DCUN1D1: variants seen among roughly 807,000 people sequenced by gnomAD.
DCUN1D1 encodes defective in cullin neddylation 1 domain containing 1, also known as DCN1-like protein 1.
DCUN1D1 carries 3 observed loss-of-function variants against 39.0 expected under a neutral mutation model. The observed-to-expected ratio is 0.08, with a 90% CI of 0.04 to 0.20. DCUN1D1 has a LOEUF of 0.20. Among genes scored for constraint, DCUN1D1 ranks in the 10% least tolerant of loss-of-function variants. The pLI is 1.00. For missense variants in DCUN1D1, 158 were observed against 302.4 expected, an observed-to-expected ratio of 0.52 and a Z score of 3.54; for synonymous variants, 82 against 96.3, an observed-to-expected ratio of 0.85 and a Z score of 0.87.
chr3:182,982,770 G>A (rs1278156835), upstream of DCUN1D1, among the ~76,000 whole-genome samples: 18 of 152,006 alleles, frequency 1.2e-4, no homozygotes, highest in Admixed American at 6.5e-5. Context: ...AGCCCCCACC[G>A]AGTAGCTGGG....
At chr3:182,962,532 G>T (rs1006592490) in intron 3 of DCUN1D1, among the ~76,000 whole-genome samples, 4 of 152,150 alleles carry the variant, frequency 2.6e-5, no homozygotes, top group Non-Finnish European at 4.4e-5. Flanking sequence ...TCTCCAGGCA[G>T]TTTTTTCACC....
intron 1 of DCUN1D1, 196 bp downstream of exon 1, chr3:182,980,291 G>T: frequency 2.9e-6 from 1 of 339,352 alleles, no homozygotes; most frequent in Non-Finnish European, 4.2e-6. Flanking sequence ...TCGCGTAGCG[G>T]CTGCGCCCGG....
chr3:182,962,971 G>A (rs905094811), intron 3 of DCUN1D1, among the ~76,000 whole-genome samples: 2 of 152,032 alleles, frequency 1.3e-5, no homozygotes, highest in Admixed American at 6.6e-5. Flanking sequence ...GTAGAGACGG[G>A]GTTTCTCCAT....
At chr3:182,978,269 C>G (rs1179895960) in intron 1 of DCUN1D1, among the ~76,000 whole-genome samples, 1 of 152,086 alleles carries the variant, frequency 6.6e-6, no homozygotes, top group Non-Finnish European at 1.5e-5. Flanking sequence ...ACTCACAGCC[C>G]CGAAACTGCA....
intron 4 of DCUN1D1, chr3:182,955,501 T>C (rs1726998411): frequency 1.9e-6 from 1 of 536,960 alleles, no homozygotes; most frequent in Non-Finnish European, 3.8e-6. Context: ...ATTTAACACA[T>C]TTTTTAGGTT....
intron 1 of DCUN1D1, among the ~76,000 whole-genome samples, chr3:182,965,982 G>T (rs944289868): frequency 1.3e-5 from 2 of 152,076 alleles, no homozygotes; most frequent in East Asian, 3.9e-4. Flanking sequence ...CAGAAGCGAA[G>T]GAAGCTCAAC....
At position 182,952,458 on chromosome 3, in the gene DCUN1D1, A is replaced by C. The variant is rs149624423; in HGVS notation, c.521-4826T>G. 1.2e-3 allele frequency among the ~76,000 whole-genome samples: 178 copies of C among 152,320 alleles called. 1 individual carries two copies. Among genetic ancestry groups the C allele is most frequent in the African/African-American group, 4.2e-3 (173 of 41,558 alleles). ...AAACCTATCTCTATATTCTAGACTC[A>C]GATATCTAACTGCCTGAAGACATCT... On this transcript the variant is annotated intron_variant, in intron 4 of 6. Coordinates refer to ENST00000292782, the MANE Select transcript of DCUN1D1 (RefSeq NM_020640.4).
intron 1 of DCUN1D1, among the ~76,000 whole-genome samples, chr3:182,975,758 G>C (rs746285177): frequency 6.9e-6 from 1 of 145,094 alleles, no homozygotes; most frequent in Non-Finnish European, 1.5e-5. Flanking sequence ...GGAGATAAAA[G>C]TGTGGAACCA....
intron 1 of DCUN1D1, among the ~76,000 whole-genome samples, chr3:182,979,142 A>C (rs1168775970): frequency 6.6e-6 from 1 of 152,230 alleles, no homozygotes; most frequent in African/African-American, 2.4e-5. Context: ...GAACACTGTA[A>C]TACTAATCTA....
Position 182,976,229 on chromosome 3 carries a change from A to G in DCUN1D1, c.3+4258T>C, listed in dbSNP as rs188147852. ...AGGGTCTTCTGAAAAAACTGCTTTT[A>G]AAAATAATTATCTGTAATACTGTCA... On this transcript the variant is annotated intron_variant, in intron 1 of 6. Coordinates refer to ENST00000292782, the MANE Select transcript of DCUN1D1 (RefSeq NM_020640.4). 9.2e-5 allele frequency among the ~76,000 whole-genome samples: 14 copies of G among 152,274 alleles called. No homozygotes were observed. The East Asian group carries it at 2.7e-3, about 29-fold the overall frequency.
intron 1 of DCUN1D1, among the ~76,000 whole-genome samples, chr3:182,976,224 C>A (rs1478078824): frequency 6.6e-6 from 1 of 152,010 alleles, no homozygotes; most frequent in Non-Finnish European, 1.5e-5. Flanking sequence ...GAAAAAACTG[C>A]TTTTAAAAAT....
chr3:182,984,643 C>G (rs902294044), upstream of DCUN1D1, among the ~76,000 whole-genome samples: 1 of 151,924 alleles, frequency 6.6e-6, no homozygotes, highest in Non-Finnish European at 1.5e-5. Flanking sequence ...CACTGTATAC[C>G]TAAAACGATG....
intron 1 of DCUN1D1, among the ~76,000 whole-genome samples, chr3:182,968,487 T>TA (rs1181103250): frequency 1.3e-5 from 2 of 152,004 alleles, no homozygotes; most frequent in Admixed American, 6.6e-5. Context: ...GAAACAAAGA[T>TA]AAAAAACTGT....
intron 1 of DCUN1D1, among the ~76,000 whole-genome samples, chr3:182,966,551 C>T (rs966150370): frequency 1.3e-5 from 2 of 152,152 alleles, no homozygotes; most frequent in African/African-American, 4.8e-5. Flanking sequence ...CCTCTTCTCA[C>T]TTGCTGCACA....
At chr3:182,956,142 G>C (rs563914923) in intron 4 of DCUN1D1, 2 of 207,112 alleles carry the variant, frequency 9.7e-6, no homozygotes, top group African/African-American at 4.7e-5. Flanking sequence ...TGGTAAGGCC[G>C]GTCTCGAACG....
At chr3:182,977,924 C>G (rs1307333180) in intron 1 of DCUN1D1, among the ~76,000 whole-genome samples, 2 of 151,636 alleles carry the variant, frequency 1.3e-5, no homozygotes, top group African/African-American at 4.8e-5. Flanking sequence ...CCTATAATCC[C>G]AGCTACTTGG....
upstream of DCUN1D1, among the ~76,000 whole-genome samples, chr3:182,983,697 G>A (rs1728635793): frequency 6.6e-6 from 1 of 151,740 alleles, no homozygotes; most frequent in African/African-American, 2.4e-5. Flanking sequence ...AGAAGAATGA[G>A]ATTCCACCTC....
intron 4 of DCUN1D1, among the ~76,000 whole-genome samples, chr3:182,949,047 T>G (rs1482075579): frequency 1.6e-5 from 2 of 126,326 alleles, no homozygotes; most frequent in Non-Finnish European, 1.6e-5. Flanking sequence ...AAACTCCGTC[T>G]CAAAAAAAAA....
At chr3:182,962,233 C>T (rs1727435138) in intron 3 of DCUN1D1, among the ~76,000 whole-genome samples, 1 of 152,222 alleles carries the variant, frequency 6.6e-6, no homozygotes, top group African/African-American at 2.4e-5. Flanking sequence ...ATGGGCCTGG[C>T]TTTGGCTGAA....
Sources: gnomAD v4.1 joint callset for allele counts (sites outside exome capture counted in the v4.1 genomes callset) on GRCh38, gnomAD v4.1.1 for gene constraint, MANE v1.5 for transcripts, NCBI Gene and HGNC (gene_info 2026-07-23, HGNC 2026-07-21) for gene names.